RERG: variants seen among roughly 807,000 people sequenced by gnomAD.
The protein encoded by RERG is ras-related and estrogen-regulated growth inhibitor.
RERG carries 25 observed loss-of-function variants against 23.2 expected under a neutral mutation model. That is an observed-to-expected ratio of 1.08 (90% CI 0.79 to 1.50). RERG has a LOEUF of 1.50. Among genes scored for constraint, RERG ranks in the 40% most tolerant of loss-of-function variants. The pLI is 0.00. For missense variants in RERG, 253 were observed against 250.1 expected (o/e 1.01, Z -0.08); for synonymous variants, 81 against 89.1 (o/e 0.91, Z 0.51).
chr12:15,204,467 C>A (rs1865258071), intron 2 of RERG, among the ~76,000 whole-genome samples: 1 of 151,558 alleles, frequency 6.6e-6, no homozygotes, highest in Non-Finnish European at 1.5e-5. Flanking sequence ...AAGTGTAAAA[C>A]CCCTAGAAAA....
intron 2 of RERG, among the ~76,000 whole-genome samples, chr12:15,200,542 G>A (rs1591668055): frequency 6.6e-6 from 1 of 152,062 alleles, no homozygotes; most frequent in South Asian, 2.1e-4. Flanking sequence ...GTTATCTGAT[G>A]GGATCCAATT....
chr12:15,143,465 G>T (rs184956140), intron 2 of RERG, among the ~76,000 whole-genome samples: 1 of 151,146 alleles, frequency 6.6e-6, no homozygotes, highest in East Asian at 1.9e-4. Flanking sequence ...TAGAGTTCAA[G>T]ACAACTGCTC....
At chr12:15,221,027 T>C (rs1285886460) in intron 1 of RERG, among the ~76,000 whole-genome samples, 168 bp downstream of exon 1, 1 of 152,138 alleles carries the variant, frequency 6.6e-6, no homozygotes, top group Admixed American at 6.5e-5. Context: ...CCTGTCAAGA[T>C]AGGCTGCTGG....
intron 2 of RERG, among the ~76,000 whole-genome samples, chr12:15,212,341 G>A (rs1865379987): frequency 6.6e-6 from 1 of 151,110 alleles, no homozygotes; most frequent in African/African-American, 2.4e-5. Context: ...TTACAGGCGT[G>A]AGCCACCGCG....
At chr12:15,144,126 G>A (rs1864289412) in intron 2 of RERG, among the ~76,000 whole-genome samples, 2 of 152,102 alleles carry the variant, frequency 1.3e-5, no homozygotes, top group Admixed American at 6.5e-5. Flanking sequence ...CAAGGTTTGT[G>A]GGCCAAGAAA....
intron 2 of RERG, among the ~76,000 whole-genome samples, chr12:15,148,453 G>A (rs962225191): frequency 1.3e-5 from 2 of 152,166 alleles, no homozygotes; most frequent in African/African-American, 4.8e-5. Context: ...TGCCAGTGCT[G>A]GTCAGCTACA....
intron 2 of RERG, among the ~76,000 whole-genome samples, chr12:15,211,533 T>C (rs1865366532): frequency 6.6e-6 from 1 of 152,062 alleles, no homozygotes; most frequent in Admixed American, 6.5e-5. Flanking sequence ...GGGAGGGGTA[T>C]CAGTGGGCAA....
At chr12:15,144,707 T>C (rs532015867) in intron 2 of RERG, among the ~76,000 whole-genome samples, 2 of 152,312 alleles carry the variant, frequency 1.3e-5, no homozygotes, top group East Asian at 1.9e-4. Context: ...AGAGTCAATC[T>C]AGGCTTTCAA....
At chr12:15,184,709 G>A (rs1381606042) in intron 2 of RERG, among the ~76,000 whole-genome samples, 1 of 152,132 alleles carries the variant, frequency 6.6e-6, no homozygotes, top group East Asian at 1.9e-4. Context: ...GACGAGTTGT[G>A]AAACATGAAT....
At chr12:15,173,498 G>A (rs1864804242) in intron 2 of RERG, among the ~76,000 whole-genome samples, 1 of 151,830 alleles carries the variant, frequency 6.6e-6, no homozygotes, top group Non-Finnish European at 1.5e-5. Flanking sequence ...GTGAATTTCA[G>A]CAAAAATTCC....
rs114409891 is a variant in RERG at position 15,137,591 on chromosome 12, A to G, written c.62-16472T>C. 8.5e-3 allele frequency among the ~76,000 whole-genome samples: 1,293 copies of G among 151,926 alleles called. 14 individuals carry two copies. The highest frequency in any genetic ancestry group is 0.029 in the African/African-American group (1,217 of 41,476). ...CTTGCCCTGGAGTTTGCAAAAAAATATGAATTTACAACTAATCCAAGTCCA... is the reference window on the plus strand; with the variant it reads ...CTTGCCCTGGAGTTTGCAAAAAAATGTGAATTTACAACTAATCCAAGTCCA... On this transcript the variant is annotated intron_variant, in intron 2 of 4. Transcript: ENST00000256953.
intron 2 of RERG, among the ~76,000 whole-genome samples, chr12:15,173,021 T>C (rs913577911): frequency 6.6e-6 from 1 of 152,098 alleles, no homozygotes. Flanking sequence ...TTGTCACTTA[T>C]GCTTTTTGTG....
At chr12:15,199,436 G>A (rs1393965329) in intron 2 of RERG, among the ~76,000 whole-genome samples, 1 of 151,636 alleles carries the variant, frequency 6.6e-6, no homozygotes, top group African/African-American at 2.4e-5. Context: ...TTCAATCTTC[G>A]TATTCTTAGT....
At chr12:15,215,629 A>G (rs1029972488) in intron 2 of RERG, among the ~76,000 whole-genome samples, 2 of 152,190 alleles carry the variant, frequency 1.3e-5, no homozygotes. Flanking sequence ...AATGAATGGG[A>G]GAGTTAAAAA....
chr12:15,186,632 A>C (rs1864996553), intron 2 of RERG, among the ~76,000 whole-genome samples: 1 of 152,184 alleles, frequency 6.6e-6, no homozygotes, highest in South Asian at 2.1e-4. Flanking sequence ...GAAAACATTA[A>C]TTTAGAAGAA....
At chr12:15,200,327 T>G (rs991456163) in intron 2 of RERG, among the ~76,000 whole-genome samples, 1 of 152,044 alleles carries the variant, frequency 6.6e-6, no homozygotes, top group African/African-American at 2.4e-5. Context: ...TGGTAAAGTT[T>G]CCAGTTCTTC....
At chr12:15,141,618 T>G (rs1202592436) in intron 2 of RERG, among the ~76,000 whole-genome samples, 2 of 152,212 alleles carry the variant, frequency 1.3e-5, no homozygotes, top group African/African-American at 2.4e-5. Flanking sequence ...TTGCCTATGA[T>G]TTTCTGTATT....
In RERG at chr12:15,212,564, C is replaced by T. The variant is rs374883839; in HGVS notation, c.61+4865G>A. Among the ~76,000 whole-genome samples the T allele has an allele frequency of 1.1e-4, 17 of 152,174 alleles. No individual in the cohort carries two copies. In the East Asian group the frequency reaches 1.7e-3, roughly 16 times the overall value. On this transcript the variant is annotated intron_variant, in intron 2 of 4. Transcript: ENST00000256953. ...CAAACCCCCTAGATTTTTCTTTCTC[C>T]TATTAAAAGTACTTTGAAAACAATA...
At chr12:15,216,188 G>A (rs570239166) in intron 2 of RERG, among the ~76,000 whole-genome samples, 3 of 152,216 alleles carry the variant, frequency 2.0e-5, no homozygotes, top group South Asian at 2.1e-4. Flanking sequence ...AGGTTCTCAC[G>A]CCATTAGGAA....
Sources: allele counts gnomAD v4.1 joint callset (sites outside exome capture counted in the v4.1 genomes callset), GRCh38; gene constraint gnomAD v4.1.1; transcripts MANE v1.5; gene names NCBI Gene and HGNC (gene_info 2026-07-23, HGNC 2026-07-21).